Variants in ADAMTS18 observed in about 807,000 individuals in gnomAD.
The protein encoded by ADAMTS18 is A disintegrin and metalloproteinase with thrombospondin motifs 18.
A neutral mutation model predicts 165.9 loss-of-function variants in ADAMTS18; 157 were observed. The ratio of observed to expected loss-of-function variants is 0.95; its 90% CI spans 0.83 to 1.08. The LOEUF is 1.08. ADAMTS18 is among the 50% of genes least tolerant of loss of function. The probability of loss-of-function intolerance (pLI) is 0.00; values close to 1 mark genes in which losing one functional copy is unlikely to be tolerated. For synonymous variants in ADAMTS18, 782 were observed against 578.2 expected (o/e 1.35, Z -5.06); for missense variants, 2,040 against 1,534.0 (o/e 1.33, Z -5.51).
chr16:77,415,563 C>G (rs1427961035), intron 3 of ADAMTS18, among the ~76,000 whole-genome samples: 1 of 151,886 alleles, frequency 6.6e-6, no homozygotes, highest in Admixed American at 6.6e-5. Context: ...ATTTCTGAAC[C>G]AACTACTCTA....
chr16:77,399,196 C>T (rs561247507), intron 3 of ADAMTS18, among the ~76,000 whole-genome samples: 1 of 152,306 alleles, frequency 6.6e-6, no homozygotes, highest in Admixed American at 6.5e-5. Context: ...GCCAAGGCAC[C>T]AGCGCTGTGC....
At chr16:77,424,487 A>G (rs952180298) in intron 3 of ADAMTS18, among the ~76,000 whole-genome samples, 1 of 149,556 alleles carries the variant, frequency 6.7e-6, no homozygotes, top group Non-Finnish European at 1.5e-5. Flanking sequence ...AAAAAAAAGC[A>G]AGCAACATAG....
In ADAMTS18 at chr16:77,291,378, C is replaced by G. The variant is rs150975249; in HGVS notation, c.3290G>C (p.Arg1097Pro). Reference protein sequence around the residue: ...KLITFPERRCRNIKKPNLDLE... With the variant: ...KLITFPERRCPNIKKPNLDLE... ...GTCCAGATTTGGTTTCTTAATATTA[C>G]GGCATCTTCGCTCTGGGAAAGTTAT... is the stretch of plus-strand genomic sequence containing the variant. The change falls in exon 21 of 23, where the codon CGT becomes CCT. Residue 1097 changes from arginine to proline, a missense_variant. Coordinates refer to ENST00000282849, the MANE Select transcript of ADAMTS18 (RefSeq NM_199355.4). 218 of 1,613,968 alleles carry G rather than the reference C, an allele frequency of 1.4e-4. No individual in the cohort carries two copies. The highest frequency in any genetic ancestry group is 1.8e-4 in the Non-Finnish European group (208 of 1,179,974).
chr16:77,364,418 G>A, intron 4 of ADAMTS18, 37 bp from the exon 5 acceptor site: 1 of 1,596,192 alleles, frequency 6.3e-7, no homozygotes, highest in Non-Finnish European at 8.6e-7. Context: ...AGGGATATTA[G>A]AGAATATCTG....
At chr16:77,404,111 G>C (rs1318880129) in intron 3 of ADAMTS18, among the ~76,000 whole-genome samples, 1 of 149,162 alleles carries the variant, frequency 6.7e-6, no homozygotes, top group East Asian at 2.0e-4. Context: ...TAATTCTTGT[G>C]AAACAAAAAG....
chr16:77,377,831 C>A (rs1023562602), intron 3 of ADAMTS18, among the ~76,000 whole-genome samples: 1 of 151,920 alleles, frequency 6.6e-6, no homozygotes, highest in Admixed American at 6.6e-5. Context: ...CCAACATGTA[C>A]AAGAATAGCC....
intron 3 of ADAMTS18, among the ~76,000 whole-genome samples, chr16:77,382,082 A>G (rs1331472482): frequency 6.6e-6 from 1 of 152,182 alleles, no homozygotes; most frequent in East Asian, 1.9e-4. Flanking sequence ...GCCGCGCCAC[A>G]TCCTGAATGC....
At chr16:77,403,195 G>T (rs1429068269) in intron 3 of ADAMTS18, among the ~76,000 whole-genome samples, 3 of 152,068 alleles carry the variant, frequency 2.0e-5, no homozygotes, top group African/African-American at 7.2e-5. Flanking sequence ...TAGATAAGTG[G>T]GAAAGAAAAT....
At chr16:77,399,608 G>C (rs2057300641) in intron 3 of ADAMTS18, among the ~76,000 whole-genome samples, 1 of 152,156 alleles carries the variant, frequency 6.6e-6, no homozygotes, top group African/African-American at 2.4e-5. Flanking sequence ...ACCTTTTGCT[G>C]TTTCAATCGA....
intron 3 of ADAMTS18, among the ~76,000 whole-genome samples, chr16:77,387,319 G>C (rs2057122221): frequency 6.6e-6 from 1 of 152,154 alleles, no homozygotes; most frequent in Non-Finnish European, 1.5e-5. Context: ...ATAGTCATGG[G>C]TCATGGATCA....
intron 3 of ADAMTS18, among the ~76,000 whole-genome samples, chr16:77,372,703 G>C (rs2056893649): frequency 6.6e-6 from 1 of 152,146 alleles, no homozygotes; most frequent in Non-Finnish European, 1.5e-5. Flanking sequence ...CACAACCCGA[G>C]AAATCCCAGC....
intron 22 of ADAMTS18, among the ~76,000 whole-genome samples, chr16:77,287,263 CTAA>C (rs1455279643): frequency 1.3e-5 from 2 of 152,174 alleles, no homozygotes; most frequent in African/African-American, 4.8e-5. Flanking sequence ...TTACTGCTCA[CTAA>C]TGTTTTCTGA....
intron 10 of ADAMTS18, among the ~76,000 whole-genome samples, chr16:77,351,909 T>G (rs1333921637): frequency 3.3e-5 from 5 of 152,136 alleles, no homozygotes; most frequent in African/African-American, 9.7e-5. Context: ...AACTTTTTTA[T>G]TTTTTGTAAA....
At position 77,367,605 on chromosome 16, in the gene ADAMTS18, C is replaced by T; in HGVS notation, c.614G>A (p.Arg205Lys). ...CCGCTGGATCTTCTCCTCTGCTGTC[C>T]TTTTGTACAGTACGTGAGGATGGTG... ...AGHHPHVLYK[R>K]TAEEKIQRYR... The change falls in exon 4 of 23, where the codon AGG (arginine) becomes AAG (lysine). Residue 205 changes from arginine to lysine, a missense_variant. Physicochemically the swap from Arg to Lys is conservative, Grantham distance 26 (BLOSUM62 2). Coordinates refer to ENST00000282849, the MANE Select transcript of ADAMTS18 (RefSeq NM_199355.4). The T allele has an allele frequency of 1.2e-6, 2 of 1,614,196 alleles. No individual in the cohort carries two copies. Among genetic ancestry groups the T allele is most frequent in the Non-Finnish European group, 1.7e-6 (2 of 1,180,034 alleles).
chr16:77,305,728 C>T (rs1014611952), intron 16 of ADAMTS18, among the ~76,000 whole-genome samples: 4 of 152,188 alleles, frequency 2.6e-5, no homozygotes, highest in African/African-American at 4.8e-5. Flanking sequence ...TATCTCAGCA[C>T]GTGCTTTAGT....
At chr16:77,410,507 A>G (rs1223347277) in intron 3 of ADAMTS18, among the ~76,000 whole-genome samples, 1 of 152,140 alleles carries the variant, frequency 6.6e-6, no homozygotes, top group African/African-American at 2.4e-5. Flanking sequence ...GAGGTACACT[A>G]AAGATGGCAG....
At chr16:77,302,709 A>G (rs1448468492) in intron 16 of ADAMTS18, among the ~76,000 whole-genome samples, 3 of 152,232 alleles carry the variant, frequency 2.0e-5, no homozygotes, top group African/African-American at 7.2e-5. Flanking sequence ...AGCTTCTAGG[A>G]CTTATGTTCT....
In ADAMTS18 at chr16:77,283,693, A is replaced by G; in HGVS notation, c.*263T>C. On this transcript the variant is annotated 3_prime_UTR_variant, in exon 23 of 23. Coordinates refer to ENST00000282849, the MANE Select transcript of ADAMTS18 (RefSeq NM_199355.4). ...CAGTGTGATTCACCACTTCTTGCATATAACAGTGCAAATCAAAGATTTTTT... is the reference window on the plus strand; with the variant it reads ...CAGTGTGATTCACCACTTCTTGCATGTAACAGTGCAAATCAAAGATTTTTT... The G allele has an allele frequency of 4.5e-6, 2 of 448,156 alleles. No homozygotes were observed. The highest frequency in any genetic ancestry group is 2.2e-5 in the South Asian group (1 of 45,428). The allele number at this position is 448,156 out of a possible 1,614,324, so 27.8% of individuals were successfully genotyped here.
intron 22 of ADAMTS18, among the ~76,000 whole-genome samples, chr16:77,287,120 C>G (rs2055269118): frequency 6.6e-6 from 1 of 152,076 alleles, no homozygotes; most frequent in African/African-American, 2.4e-5. Flanking sequence ...TGGGTAGAAA[C>G]TTCTACCCAA....
Sources: gnomAD v4.1 joint callset for allele counts (sites outside exome capture counted in the v4.1 genomes callset) on GRCh38, gnomAD v4.1.1 for gene constraint, MANE v1.5 for transcripts, NCBI Gene and HGNC (gene_info 2026-07-23, HGNC 2026-07-21) for gene names.